MRPS27: variants seen among roughly 807,000 people sequenced by gnomAD.
The protein encoded by MRPS27 is small ribosomal subunit protein mS27.
A neutral mutation model predicts 48.9 loss-of-function variants in MRPS27; 43 were observed. The ratio of observed to expected loss-of-function variants is 0.88; its 90% confidence interval spans 0.69 to 1.13. The LOEUF (loss-of-function observed/expected upper bound fraction) is 1.13. Among genes scored for constraint, MRPS27 ranks in the 50% most tolerant of loss-of-function variants. MRPS27 has a pLI of 0.00. For synonymous variants in MRPS27, 188 were observed against 171.9 expected (o/e 1.09, Z -0.73); for missense variants, 467 against 476.3 (o/e 0.98, Z 0.18).
chr5:72,226,287 C>G, intron 8 of MRPS27, 88 bp from the exon 9 acceptor site: 1 of 1,489,930 alleles, frequency 6.7e-7, no homozygotes. Context: ...AGTGAATGTT[C>G]ACCTGGCAGC....
intron 2 of MRPS27, among the ~76,000 whole-genome samples, chr5:72,302,699 G>C (rs1446908819): frequency 6.6e-6 from 1 of 152,220 alleles, no homozygotes; most frequent in African/African-American, 2.4e-5. Context: ...CCTTTGAGGG[G>C]AGCAGTCCTT....
chr5:72,293,446 T>C (rs1415341435), intron 4 of MRPS27, among the ~76,000 whole-genome samples: 1 of 152,204 alleles, frequency 6.6e-6, no homozygotes, highest in Non-Finnish European at 1.5e-5. Context: ...CTCAGATTTA[T>C]GATGGACAAG....
At chr5:72,301,181 A>G (rs1394053038) in intron 2 of MRPS27, among the ~76,000 whole-genome samples, 2 of 152,244 alleles carry the variant, frequency 1.3e-5, no homozygotes, top group East Asian at 1.9e-4. Flanking sequence ...TCAATGACTC[A>G]GTACCTACTG....
At chr5:72,252,924 C>G (rs1292014336) in intron 4 of MRPS27, among the ~76,000 whole-genome samples, 5 of 152,056 alleles carry the variant, frequency 3.3e-5, no homozygotes, top group Non-Finnish European at 5.9e-5. Context: ...GTAAAATAAG[C>G]CTTGTATACC....
At chr5:72,308,542 G>A (rs968608572) in intron 2 of MRPS27, among the ~76,000 whole-genome samples, 1 of 152,158 alleles carries the variant, frequency 6.6e-6, no homozygotes, top group African/African-American at 2.4e-5. Flanking sequence ...GCGCCCACTC[G>A]CCGCGTTCCA....
At chr5:72,262,774 A>G (rs1580080152) in intron 4 of MRPS27, among the ~76,000 whole-genome samples, 1 of 151,516 alleles carries the variant, frequency 6.6e-6, no homozygotes, top group Non-Finnish European at 1.5e-5. Context: ...TATATTTTTA[A>G]TTTATTTTAT....
chr5:72,243,705 G>A (rs1280595495), intron 4 of MRPS27, among the ~76,000 whole-genome samples: 1 of 151,992 alleles, frequency 6.6e-6, no homozygotes, highest in Non-Finnish European at 1.5e-5. Context: ...AACCAGATTG[G>A]GCTTGAATAT....
At chr5:72,261,631 G>A (rs564508484) in intron 4 of MRPS27, among the ~76,000 whole-genome samples, 10 of 152,256 alleles carry the variant, frequency 6.6e-5, no homozygotes, top group South Asian at 6.2e-4. Context: ...CATACTTTCA[G>A]AAGCAATGGC....
chr5:72,236,923 CTT>C (rs111411729), intron 5 of MRPS27, among the ~76,000 whole-genome samples: 64 of 139,688 alleles, frequency 4.6e-4, no homozygotes, highest in Middle Eastern at 3.6e-3. Context: ...TTCTTTTTTC[CTT>C]TTTTTTTTTT....
intron 8 of MRPS27, chr5:72,227,024 T>G (rs1258915063): frequency 6.6e-6 from 1 of 152,268 alleles, no homozygotes; most frequent in Non-Finnish European, 1.5e-5. Context: ...CAGACAAAGC[T>G]TATCAGGCGA....
At chr5:72,268,199 A>G (rs1371022742) in intron 4 of MRPS27, among the ~76,000 whole-genome samples, 1 of 152,244 alleles carries the variant, frequency 6.6e-6, no homozygotes, top group Non-Finnish European at 1.5e-5. Flanking sequence ...TCCTTAAAAC[A>G]TAAGAATTAT....
At chr5:72,244,926 T>C (rs1748470991) in intron 4 of MRPS27, among the ~76,000 whole-genome samples, 1 of 152,164 alleles carries the variant, frequency 6.6e-6, no homozygotes, top group Non-Finnish European at 1.5e-5. Flanking sequence ...GCAGTCAGAA[T>C]GAAGTCAGTT....
intron 4 of MRPS27, among the ~76,000 whole-genome samples, chr5:72,265,502 T>C (rs1749085578): frequency 2.0e-5 from 3 of 152,220 alleles, no homozygotes; most frequent in Admixed American, 2.0e-4. Flanking sequence ...CATTAGAGAT[T>C]AGTGATATCT....
intron 7 of MRPS27, among the ~76,000 whole-genome samples, chr5:72,230,187 T>C (rs1748016420): frequency 6.6e-6 from 1 of 152,170 alleles, no homozygotes; most frequent in Non-Finnish European, 1.5e-5. Context: ...GAGCCACTGC[T>C]CCTGGCCCAA....
chr5:72,319,431 C>T (rs1750676286), intron 1 of MRPS27, among the ~76,000 whole-genome samples: 1 of 151,818 alleles, frequency 6.6e-6, no homozygotes, highest in Non-Finnish European at 1.5e-5. Context: ...AGGGGTCCAG[C>T]TAAATGTGTG....
chr5:72,276,039 T>G (rs201498878), intron 4 of MRPS27, among the ~76,000 whole-genome samples: 5 of 146,468 alleles, frequency 3.4e-5, no homozygotes, highest in Admixed American at 1.4e-4. Context: ...GTGGGGGGGG[T>G]ACTATGAATT....
At chr5:72,275,759 C>G (rs754540593) in intron 4 of MRPS27, among the ~76,000 whole-genome samples, 34 of 152,292 alleles carry the variant, frequency 2.2e-4, no homozygotes, top group Middle Eastern at 6.8e-3. Flanking sequence ...GCCCCTGTAC[C>G]CTTTCCCCAC....
At chr5:72,311,858 C>T (rs1464612603) in intron 2 of MRPS27, among the ~76,000 whole-genome samples, 2 of 152,204 alleles carry the variant, frequency 1.3e-5, no homozygotes, top group African/African-American at 4.8e-5. Flanking sequence ...TCCCGCTGGG[C>T]GCGGTGGCTC....
At chr5:72,284,886 T>C (rs1000236339) in intron 4 of MRPS27, among the ~76,000 whole-genome samples, 2 of 152,234 alleles carry the variant, frequency 1.3e-5, no homozygotes, top group Admixed American at 1.3e-4. Flanking sequence ...TGTAGAATAA[T>C]TAAACAGGCT....
Sources: gnomAD v4.1 joint callset for allele counts (sites outside exome capture counted in the v4.1 genomes callset) on GRCh38, gnomAD v4.1.1 for gene constraint, MANE v1.5 for transcripts, NCBI Gene and HGNC (gene_info 2026-07-23, HGNC 2026-07-21) for gene names.